NEURL1: variants seen among roughly 807,000 people sequenced by gnomAD.
NEURL1 encodes E3 ubiquitin-protein ligase NEURL1.
NEURL1 carries 26 observed loss-of-function variants against 41.2 expected under a neutral mutation model. The ratio of observed to expected loss-of-function variants is 0.63; its 90% CI spans 0.46 to 0.87. The LOEUF is 0.87. Among genes scored for constraint, NEURL1 ranks in the 40% least tolerant of loss-of-function variants. The pLI is 0.00. For synonymous variants in NEURL1, 400 were observed against 402.3 expected, an observed-to-expected ratio of 0.99 and a Z score of 0.07; for missense variants, 761 against 871.1, an observed-to-expected ratio of 0.87 and a Z score of 1.59.
chr10:103,540,895 G>T (rs1014501415), intron 1 of NEURL1, among the ~76,000 whole-genome samples: 5 of 152,222 alleles, frequency 3.3e-5, no homozygotes, highest in Non-Finnish European at 7.3e-5. Context: ...TTGGTCATGG[G>T]CCACATCAGT....
At chr10:103,584,120 G>A (rs1309178513) in intron 3 of NEURL1, among the ~76,000 whole-genome samples, 2 of 152,206 alleles carry the variant, frequency 1.3e-5, no homozygotes, top group Non-Finnish European at 2.9e-5. Flanking sequence ...GCCTTCGTCA[G>A]TGCACTCGAC....
intron 1 of NEURL1, among the ~76,000 whole-genome samples, chr10:103,510,175 G>A (rs2034037929): frequency 6.6e-6 from 1 of 152,158 alleles, no homozygotes; most frequent in African/African-American, 2.4e-5. Context: ...CTTGGTGTAA[G>A]ACTGTTTGTG....
intron 1 of NEURL1, among the ~76,000 whole-genome samples, chr10:103,570,609 A>G (rs1276024035): frequency 1.3e-4 from 7 of 52,166 alleles, no homozygotes; most frequent in Non-Finnish European, 2.5e-4. Flanking sequence ...AGGAGGTGGG[A>G]GAGGGTGGGG....
rs1336497069 is a variant in NEURL1 at position 103,584,973 on chromosome 10, G to C, written c.1087G>C (p.Gly363Arg). ...GTTCGGCGTCACCACGTGCGACCCCGGCACGCTGCGGCCGGCCGACCTGCC... is the reference window on the plus strand; with the variant it reads ...GTTCGGCGTCACCACGTGCGACCCCCGCACGCTGCGGCCGGCCGACCTGCC... ...LSFGVTTCDP[G>R]TLRPADLPFS... Residue 363 changes from glycine (G) to arginine (R), a missense_variant, in exon 4 of 6, where the codon GGC becomes CGC. Transcript: ENST00000369780. The C allele has an allele frequency of 3.3e-6, 5 of 1,527,622 alleles. No homozygotes were observed. The highest frequency in any genetic ancestry group is 2.0e-5 in the Admixed American group (1 of 50,334). The allele number at this position is 1,527,622 out of a possible 1,614,324, so 94.6% of individuals were successfully genotyped here.
In NEURL1 at chr10:103,590,460, T is replaced by G. The variant is rs2036017722; in HGVS notation, c.*88T>G. The G allele has an allele frequency of 1.9e-6, 2 of 1,077,246 alleles. No homozygotes were observed. Among genetic ancestry groups the G allele is most frequent in the Admixed American group, 3.9e-5 (2 of 51,908 alleles). The allele number at this position is 1,077,246 out of a possible 1,614,324, so 66.7% of individuals were successfully genotyped here. On this transcript the variant is annotated 3_prime_UTR_variant, in exon 6 of 6. Transcript: ENST00000369780. Reference sequence around the variant, plus strand: ...GAACAAGCCAGTGGGGCCCCTTCTCTTCCTCATTTTGGAAACTTTTCCTCC... The same window carrying G: ...GAACAAGCCAGTGGGGCCCCTTCTCGTCCTCATTTTGGAAACTTTTCCTCC...
chr10:103,535,728 G>A (rs542372986), intron 1 of NEURL1, among the ~76,000 whole-genome samples: 2 of 152,282 alleles, frequency 1.3e-5, no homozygotes, highest in African/African-American at 4.8e-5. Context: ...AGAAGGAGGG[G>A]TAGATGGAGT....
chr10:103,535,939 G>C (rs2034682928), intron 1 of NEURL1, among the ~76,000 whole-genome samples: 1 of 152,226 alleles, frequency 6.6e-6, no homozygotes, highest in East Asian at 1.9e-4. Flanking sequence ...AGCCATGTGG[G>C]CACAGGGGGC....
At chr10:103,497,339 G>A (rs773420787) in intron 1 of NEURL1, among the ~76,000 whole-genome samples, 8 of 152,194 alleles carry the variant, frequency 5.3e-5, no homozygotes, top group Non-Finnish European at 8.8e-5. Context: ...CTGGGATGGC[G>A]TCTGTACTCA....
intron 3 of NEURL1, among the ~76,000 whole-genome samples, chr10:103,580,699 G>C (rs910216744): frequency 1.2e-4 from 18 of 152,146 alleles, no homozygotes; most frequent in African/African-American, 3.4e-4. Context: ...CTGACCCTGA[G>C]GGGTGGAGAG....
rs553853111 is a variant in NEURL1, at chr10:103,551,818, T to C, written c.86-19054T>C. 6.6e-5 allele frequency among the ~76,000 whole-genome samples: 10 copies of C among 152,272 alleles called. No homozygotes were observed. In the East Asian group the frequency reaches 1.9e-3, roughly 29 times the overall value. ...GGCTCATACGTCTGTGGGAAAACCC[T>C]TTTAGACTGCAGTGTCAAAGGCCTG... On this transcript the variant is annotated intron_variant, in intron 1 of 5. Transcript: ENST00000369780.
intron 3 of NEURL1, among the ~76,000 whole-genome samples, chr10:103,579,824 C>T (rs1201203358): frequency 1.3e-5 from 2 of 152,130 alleles, no homozygotes; most frequent in East Asian, 3.9e-4. Flanking sequence ...CACCTGTAGT[C>T]CCAGCCACTT....
chr10:103,562,524 G>A (rs962758259), intron 1 of NEURL1, among the ~76,000 whole-genome samples: 1 of 152,218 alleles, frequency 6.6e-6, no homozygotes, highest in Non-Finnish European at 1.5e-5. Flanking sequence ...GCTGATGGGA[G>A]TGACTTCTCA....
At position 103,540,419 on chromosome 10, in the gene NEURL1, A is replaced by G. The variant is rs183590095; in HGVS notation, c.86-30453A>G. On this transcript the variant is annotated intron_variant, in intron 1 of 5. Coordinates refer to ENST00000369780, the MANE Select transcript of NEURL1 (RefSeq NM_004210.5). Reference sequence around the variant, plus strand: ...ATTCTCCTGCCTCAGCCTCCTGAGTAGCTAGGACTATAGCCGTGTGCCACC... The same window carrying G: ...ATTCTCCTGCCTCAGCCTCCTGAGTGGCTAGGACTATAGCCGTGTGCCACC... Among the ~76,000 whole-genome samples, 333 of 152,098 alleles carry G rather than the reference A, an allele frequency of 2.2e-3. 2 individuals are homozygous for G. Among genetic ancestry groups the G allele is most frequent in the Non-Finnish European group, 4.2e-3 (283 of 67,998 alleles).
At chr10:103,581,532 A>G (rs781080125) in intron 3 of NEURL1, among the ~76,000 whole-genome samples, 2 of 152,212 alleles carry the variant, frequency 1.3e-5, no homozygotes, top group Non-Finnish European at 2.9e-5. Context: ...TAGCCCTGTC[A>G]TACAGGAAAT....
intron 1 of NEURL1, among the ~76,000 whole-genome samples, chr10:103,540,789 C>T (rs59576512): frequency 0.2 from 30,378 of 151,916 alleles, 3,179 homozygotes; most frequent in Non-Finnish European, 0.22. Context: ...TCCATTGGGG[C>T]GAAGTGAGGG....
chr10:103,555,921 C>G (rs529795630), intron 1 of NEURL1, among the ~76,000 whole-genome samples: 2 of 152,134 alleles, frequency 1.3e-5, no homozygotes, highest in African/African-American at 4.8e-5. Flanking sequence ...TGGGCACCCA[C>G]ATGTGTGCTG....
rs564489540 is a variant in NEURL1 at position 103,501,757 on chromosome 10, T to C, written c.85+7285T>C. 7.9e-5 allele frequency among the ~76,000 whole-genome samples: 12 copies of C among 152,036 alleles called. No individual in the cohort carries two copies. In the East Asian group the frequency reaches 2.3e-3, roughly 29 times the overall value. On this transcript the variant is annotated intron_variant, in intron 1 of 5. Transcript: ENST00000369780. ...AAGTGATTCTCCTGCCCCAGCCTCC[T>C]GAGTAGCTGGGACTACAGGCGCCTG...
rs746660574 is a variant in NEURL1 at position 103,585,057 on chromosome 10, G to C, written c.1171G>C (p.Gly391Arg). ...ATTCTGGGCCGTGTGCCGCGTGCCC[G>C]GGCCCCTGCACAGCGGCGACATCCT... ...KEFWAVCRVP[G>R]PLHSGDILGL... The change falls in exon 4 of 6, where the codon GGG (glycine) becomes CGG (arginine). Residue 391 changes from glycine (G) to arginine (R), a missense_variant. Gly to Arg is a moderately radical substitution (Grantham distance 125). Around this residue, in one of 5 missense-constraint regions of NEURL1, gnomAD observed 443 missense variants for 408.1 expected, o/e 1.09. Coordinates refer to ENST00000369780, the MANE Select transcript of NEURL1 (RefSeq NM_004210.5). 9 of 1,590,092 alleles carry C rather than the reference G, an allele frequency of 5.7e-6. No homozygotes were observed. The Admixed American group carries it at 6.8e-5, about 12-fold the overall frequency.
Position 103,558,136 on chromosome 10 carries a change from C to T in NEURL1, c.86-12736C>T, listed in dbSNP as rs1368503587. 1.0e-6 allele frequency: 1 copy of T among 973,966 alleles called. No individual in the cohort carries two copies. The allele number at this position is 973,966 out of a possible 1,614,324, so 60.3% of individuals were successfully genotyped here. The stretch of plus-strand genomic sequence containing the variant: ...CTCGTGATCCACCTGTGTCGGCCTC[C>T]CAAAGTGCTGGGTTTACAGGTGTGA... On this transcript the variant is annotated intron_variant, in intron 1 of 5. Coordinates refer to ENST00000369780, the MANE Select transcript of NEURL1 (RefSeq NM_004210.5). The surrounding 1 kb of genome is among the most constrained non-coding windows in gnomAD (Gnocchi z 4.2).
Sources: allele counts gnomAD v4.1 joint callset (sites outside exome capture counted in the v4.1 genomes callset), GRCh38; gene constraint gnomAD v4.1.1; regional missense constraint gnomAD v4.1.1; non-coding constraint Gnocchi (gnomAD v3.1); transcripts MANE v1.5; gene names NCBI Gene and HGNC (gene_info 2026-07-23, HGNC 2026-07-21).